The following TSPAN15 variants were observed in gnomAD, a reference collection of about 807,000 sequenced individuals.
TSPAN15 encodes the protein tetraspanin 15.
TSPAN15 carries 20 observed loss-of-function variants against 34.5 expected under a neutral mutation model. The observed-to-expected ratio is 0.58, with a 90% CI of 0.41 to 0.84. The LOEUF is 0.84. Among genes scored for constraint, TSPAN15 ranks in the 40% least tolerant of loss-of-function variants. TSPAN15 has a pLI of 0.00. For missense variants in TSPAN15, 313 were observed against 386.1 expected (o/e 0.81, Z 1.59); for synonymous variants, 155 against 153.9 (o/e 1.01, Z -0.05).
downstream of TSPAN15, among the ~76,000 whole-genome samples, chr10:69,509,938 A>G (rs998929653): frequency 2.6e-5 from 4 of 152,098 alleles, no homozygotes; most frequent in Admixed American, 6.6e-5. Flanking sequence ...ATTGGTCTAT[A>G]TATCTGTTTT....
At chr10:69,546,195 G>A in the TSPAN15 span, among the ~76,000 whole-genome samples, 15 of 152,084 alleles carry the variant, frequency 9.9e-5, no homozygotes, top group Admixed American at 3.3e-4. Context: ...TTCCATGTGC[G>A]TCTTCCTAGG....
intron 3 of TSPAN15, among the ~76,000 whole-genome samples, chr10:69,489,080 C>T (rs1415962492): frequency 6.6e-6 from 1 of 152,186 alleles, no homozygotes; most frequent in Non-Finnish European, 1.5e-5. Flanking sequence ...AAGAGAGACA[C>T]TCCCAGAGCG....
intron 3 of TSPAN15, among the ~76,000 whole-genome samples, chr10:69,488,261 G>T (rs1841896630): frequency 6.6e-6 from 1 of 152,142 alleles, no homozygotes. Flanking sequence ...TAAAACAGGA[G>T]TCAGGCCAGT....
At chr10:69,528,634 G>A in the TSPAN15 span, among the ~76,000 whole-genome samples, 2 of 148,586 alleles carry the variant, frequency 1.3e-5, 1 homozygote, top group Non-Finnish European at 3.0e-5. Flanking sequence ...ATGCAGACAA[G>A]TGGAGGATGA....
chr10:69,454,738 G>A (rs950014174), intron 1 of TSPAN15, among the ~76,000 whole-genome samples: 4 of 152,124 alleles, frequency 2.6e-5, no homozygotes, highest in African/African-American at 9.7e-5. Context: ...GATCACCTGA[G>A]CTCAGGAGAC....
the TSPAN15 span, among the ~76,000 whole-genome samples, chr10:69,545,911 G>A: frequency 1.3e-5 from 2 of 152,102 alleles, no homozygotes; most frequent in East Asian, 1.9e-4. Flanking sequence ...AGCTGAGATC[G>A]TGCCACTGCA....
At chr10:69,502,292 G>T (rs1665581) in intron 5 of TSPAN15, among the ~76,000 whole-genome samples, 65,760 of 152,050 alleles carry the variant, frequency 0.43, 14,716 homozygotes, top group African/African-American at 0.52. Context: ...GGAGATGTTG[G>T]TGCAGAGGGC....
intron 3 of TSPAN15, chr10:69,494,870 G>T: frequency 1.0e-6 from 1 of 985,500 alleles, no homozygotes; most frequent in African/African-American, 1.7e-5. Flanking sequence ...CCACTGTGGG[G>T]CCCTTTGTGC....
At chr10:69,539,710 T>C in the TSPAN15 span, among the ~76,000 whole-genome samples, 4 of 152,148 alleles carry the variant, frequency 2.6e-5, no homozygotes, top group African/African-American at 9.6e-5. Flanking sequence ...TGAGAGGAGC[T>C]CAGATTCCTT....
chr10:69,463,635 C>T (rs1473652039), intron 1 of TSPAN15, among the ~76,000 whole-genome samples: 1 of 151,930 alleles, frequency 6.6e-6, no homozygotes, highest in Non-Finnish European at 1.5e-5. Context: ...CATGGTGAAA[C>T]CCCATCTCTA....
intron 1 of TSPAN15, among the ~76,000 whole-genome samples, chr10:69,471,061 C>T (rs917876299): frequency 1.3e-5 from 2 of 152,196 alleles, no homozygotes; most frequent in Non-Finnish European, 2.9e-5. Flanking sequence ...CCTAGCCTTC[C>T]TCCCCGTTTT....
At chr10:69,497,157 G>A (rs2133144491) in intron 4 of TSPAN15, among the ~76,000 whole-genome samples, 1 of 152,302 alleles carries the variant, frequency 6.6e-6, no homozygotes, top group Non-Finnish European at 1.5e-5. Context: ...CTGTTCCATT[G>A]CAAGACAAAT....
intron 1 of TSPAN15, among the ~76,000 whole-genome samples, chr10:69,481,116 A>G (rs879047777): frequency 1.4e-4 from 22 of 152,312 alleles, no homozygotes; most frequent in Admixed American, 1.4e-3. Context: ...GTGTCTGTCC[A>G]GATAGTCTCT....
At chr10:69,464,127 G>A (rs1022109810) in intron 1 of TSPAN15, among the ~76,000 whole-genome samples, 1 of 152,232 alleles carries the variant, frequency 6.6e-6, no homozygotes, top group Non-Finnish European at 1.5e-5. Context: ...GAGGCAAGAG[G>A]GCTTCTCCCC....
chr10:69,514,646 C>T, the TSPAN15 span, among the ~76,000 whole-genome samples: 2 of 152,150 alleles, frequency 1.3e-5, no homozygotes, highest in East Asian at 3.8e-4. Context: ...ATAACACTCC[C>T]TTATTATTCT....
intron 1 of TSPAN15, among the ~76,000 whole-genome samples, chr10:69,452,327 C>G (rs1452216915): frequency 2.0e-5 from 3 of 152,190 alleles, no homozygotes; most frequent in Non-Finnish European, 2.9e-5. Flanking sequence ...AGACATGAAC[C>G]AAGCTTTGAA....
intron 1 of TSPAN15, among the ~76,000 whole-genome samples, chr10:69,473,463 T>C (rs914021500): frequency 1.3e-5 from 2 of 152,148 alleles, no homozygotes; most frequent in African/African-American, 4.8e-5. Context: ...ATCCTTGGGC[T>C]GGGTGGGAGA....
intron 1 of TSPAN15, among the ~76,000 whole-genome samples, chr10:69,455,632 C>G (rs112974344): frequency 2.3e-4 from 32 of 136,576 alleles, no homozygotes; most frequent in African/African-American, 5.7e-4. Context: ...CTCTCCCCCC[C>G]CCGTCTCTTT....
chr10:69,545,465 G>T, the TSPAN15 span, among the ~76,000 whole-genome samples: 2 of 152,234 alleles, frequency 1.3e-5, no homozygotes, highest in Non-Finnish European at 1.5e-5. Context: ...GATGCCTGGG[G>T]AGGGAGGCTG....
Sources: allele counts gnomAD v4.1 joint callset (sites outside exome capture counted in the v4.1 genomes callset), GRCh38; gene constraint gnomAD v4.1.1; transcripts MANE v1.5; gene names NCBI Gene and HGNC (gene_info 2026-07-23, HGNC 2026-07-21).